The following ATXN7 variants were observed in gnomAD, a reference collection of about 807,000 sequenced individuals.
ATXN7 encodes the protein ataxin-7.
In ATXN7, 12 loss-of-function variants were observed where a neutral mutation model predicts 70.5. That is an observed-to-expected ratio of 0.17 (90% CI 0.11 to 0.28). ATXN7 has a LOEUF of 0.28. ATXN7 is among the 10% of genes least tolerant of loss of function. The pLI is 1.00. For synonymous variants in ATXN7, 498 were observed against 448.7 expected, an observed-to-expected ratio of 1.11 and a Z score of -1.39; for missense variants, 1,256 against 1,131.7, an observed-to-expected ratio of 1.11 and a Z score of -1.58.
intron 1 of ATXN7, among the ~76,000 whole-genome samples, chr3:63,871,365 CCTT>C (rs1413529657): frequency 6.6e-6 from 1 of 152,164 alleles, no homozygotes; most frequent in East Asian, 1.9e-4. Context: ...TTAAGGGTTT[CCTT>C]CTTGTTAAAA....
intron 4 of ATXN7, among the ~76,000 whole-genome samples, chr3:63,930,706 A>G (rs1159533957): frequency 1.3e-5 from 2 of 151,560 alleles, no homozygotes; most frequent in Admixed American, 6.6e-5. Flanking sequence ...TTTTTTTTGT[A>G]TTTTTATTAG....
chr3:63,962,116 G>A (rs927749845), intron 5 of ATXN7, among the ~76,000 whole-genome samples: 2 of 152,028 alleles, frequency 1.3e-5, no homozygotes, highest in African/African-American at 4.8e-5. Flanking sequence ...GGTTTGGGAG[G>A]GGCCCAATAG....
chr3:64,000,020 G>A lies in ATXN7; in HGVS notation c.*553G>A, dbSNP rs987069841. The stretch of plus-strand genomic sequence containing the variant: ...GGGAATTAGGCTTTAGATTTTGATA[G>A]CAATGTTCCAGGAATGAAATATAGA... On this transcript the variant is annotated 3_prime_UTR_variant, in exon 13 of 13. Transcript: ENST00000674280. The A allele has an allele frequency of 6.5e-6, 1 of 153,984 alleles. No homozygotes were observed. Among genetic ancestry groups the A allele is most frequent in the African/African-American group, 2.4e-5 (1 of 41,430 alleles). The allele number at this position is 153,984 out of a possible 1,614,324, so 9.5% of individuals were successfully genotyped here.
chr3:63,933,133 G>A (rs2074588415), intron 4 of ATXN7, among the ~76,000 whole-genome samples: 1 of 152,130 alleles, frequency 6.6e-6, no homozygotes, highest in Non-Finnish European at 1.5e-5. Flanking sequence ...CTCCAAAAAG[G>A]CTCTACTAGT....
At chr3:63,935,751 C>T (rs1391759806) in intron 4 of ATXN7, among the ~76,000 whole-genome samples, 2 of 152,022 alleles carry the variant, frequency 1.3e-5, no homozygotes, top group Non-Finnish European at 2.9e-5. Flanking sequence ...GATATTAGTA[C>T]CAACGTTTTT....
At chr3:63,892,034 G>A (rs2107247582) in intron 1 of ATXN7, among the ~76,000 whole-genome samples, 1 of 152,208 alleles carries the variant, frequency 6.6e-6, no homozygotes, top group East Asian at 1.9e-4. Context: ...TTCTTTGTAG[G>A]GCTGTGGTGA....
At chr3:63,912,958 CT>C in intron 3 of ATXN7, 35 bp downstream of exon 3, 3 of 1,524,386 alleles carry the variant, frequency 2.0e-6, no homozygotes, top group South Asian at 1.2e-5. Flanking sequence ...CCTTCACCCC[CT>C]CGCGACCCCC....
intron 4 of ATXN7, among the ~76,000 whole-genome samples, chr3:63,939,307 C>T (rs1265569283): frequency 1.3e-5 from 2 of 152,152 alleles, no homozygotes; most frequent in African/African-American, 4.8e-5. Flanking sequence ...ACAGTTCCTT[C>T]TAAATGTCTT....
chr3:63,941,834 C>A (rs150148498), intron 4 of ATXN7, among the ~76,000 whole-genome samples: 2 of 152,092 alleles, frequency 1.3e-5, no homozygotes, highest in Non-Finnish European at 2.9e-5. Context: ...AAAATTCTAC[C>A]TTTTTCCTTT....
chr3:63,934,388 C>T (rs549295561), intron 4 of ATXN7, among the ~76,000 whole-genome samples: 1 of 152,184 alleles, frequency 6.6e-6, no homozygotes, highest in South Asian at 2.1e-4. Flanking sequence ...TTTGTTTATG[C>T]TTATGGGAAC....
At chr3:63,883,283 T>C (rs1217029879) in intron 1 of ATXN7, among the ~76,000 whole-genome samples, 3 of 152,202 alleles carry the variant, frequency 2.0e-5, no homozygotes, top group African/African-American at 7.2e-5. Flanking sequence ...AAAGCAGTAT[T>C]AGATCCTGGC....
intron 11 of ATXN7, among the ~76,000 whole-genome samples, chr3:63,993,749 A>C (rs956979152): frequency 4.6e-5 from 7 of 151,942 alleles, no homozygotes; most frequent in South Asian, 4.2e-4. Context: ...TTTCCTCGAG[A>C]TTTGGTTCCA....
At chr3:63,879,333 C>T (rs1401432111) in intron 1 of ATXN7, among the ~76,000 whole-genome samples, 1 of 152,116 alleles carries the variant, frequency 6.6e-6, no homozygotes, top group Non-Finnish European at 1.5e-5. Context: ...ATTAAACTAA[C>T]ATTTAAAAAA....
At chr3:63,864,500 T>G (rs898454477) in intron 1 of ATXN7, 2 of 151,916 alleles carry the variant, frequency 1.3e-5, no homozygotes, top group Admixed American at 1.3e-4. Context: ...GGGTTCCAGG[T>G]CGCGCGGTTC....
intron 4 of ATXN7, among the ~76,000 whole-genome samples, chr3:63,936,411 T>C (rs1473743682): frequency 1.3e-5 from 2 of 152,180 alleles, no homozygotes; most frequent in Non-Finnish European, 2.9e-5. Context: ...TTATATTAGC[T>C]GACTTGAAAA....
chr3:63,993,533 C>T (rs977412577), intron 11 of ATXN7, among the ~76,000 whole-genome samples: 7 of 151,648 alleles, frequency 4.6e-5, no homozygotes, highest in Non-Finnish European at 5.9e-5. Flanking sequence ...TTGTTTTCCA[C>T]CTAGCCCCCA....
chr3:63,872,961 A>G (rs978663958), intron 1 of ATXN7, among the ~76,000 whole-genome samples: 3 of 152,144 alleles, frequency 2.0e-5, no homozygotes, highest in Admixed American at 6.5e-5. Flanking sequence ...ATTTATGTCT[A>G]TACCAGTGTT....
At chr3:63,995,315 TG>T (rs2075739657) in intron 11 of ATXN7, among the ~76,000 whole-genome samples, 189 bp from the exon 12 acceptor site, 1 of 152,134 alleles carries the variant, frequency 6.6e-6, no homozygotes, top group Non-Finnish European at 1.5e-5. Context: ...CATACAGTTC[TG>T]TAAGAACTGT....
rs753027029 is a variant in ATXN7 at position 63,995,714 on chromosome 3, C to T, written c.1892C>T (p.Ala631Val). Residue 631 changes from alanine to valine, a missense_variant, in exon 12 of 13, where the codon GCT becomes GTT. Transcript: ENST00000674280. ...ACCACACTAAATGCACAGCCTGCTG[C>T]TTCAGGGGCGATGGATCCTGTGTGC... ...HGTTLNAQPA[A>V]SGAMDPVCSM... 9 of 1,614,262 alleles carry T rather than the reference C, an allele frequency of 5.6e-6. No homozygotes were observed. The Admixed American group carries it at 8.3e-5, about 15-fold the overall frequency.
Sources: allele counts gnomAD v4.1 joint callset (sites outside exome capture counted in the v4.1 genomes callset), GRCh38; gene constraint gnomAD v4.1.1; transcripts MANE v1.5; gene names NCBI Gene and HGNC (gene_info 2026-07-23, HGNC 2026-07-21).